ELFN2: variants seen among roughly 807,000 people sequenced by gnomAD.
ELFN2 encodes the protein extracellular leucine rich repeat and fibronectin type III domain containing 2.
ELFN2 carries 17 observed loss-of-function variants against 45.5 expected under a neutral mutation model. The observed-to-expected ratio is 0.37, with a 90% confidence interval of 0.26 to 0.56. ELFN2 has a LOEUF of 0.56. ELFN2 is among the 20% of genes least tolerant of loss of function. The pLI, the probability that ELFN2 is intolerant of heterozygous loss-of-function variation, is 0.77. For missense variants in ELFN2, 922 were observed against 1,183.2 expected (o/e 0.78, Z 3.24); for synonymous variants, 550 against 551.5 (o/e 1.00, Z 0.04).
At chr22:37,391,910 GC>G (rs1172758489) in intron 2 of ELFN2, among the ~76,000 whole-genome samples, 1 of 152,208 alleles carries the variant, frequency 6.6e-6, no homozygotes, top group Non-Finnish European at 1.5e-5. Flanking sequence ...AGCCCAACTG[GC>G]CCTCGCGTGG....
At position 37,417,068 on chromosome 22, in the gene ELFN2, G is replaced by C. The variant is rs940713019; in HGVS notation, c.-463+701C>G. Among the ~76,000 whole-genome samples, 166 of 151,706 alleles carry C rather than the reference G, an allele frequency of 1.1e-3. No individual in the cohort carries two copies. The highest frequency in any genetic ancestry group is 3.9e-3 in the African/African-American group (162 of 41,314). ...AACCACCGTCACTCAGCGCCGCCTG[G>C]ACAACAGCTCCCTCCACGTGGCCGC... On this transcript the variant is annotated intron_variant, in intron 2 of 2. Transcript: ENST00000402918. The surrounding 1 kb of genome is among the most constrained non-coding windows in gnomAD (Gnocchi z 4.5).
chr22:37,419,298 G>A (rs1932791003), intron 1 of ELFN2, among the ~76,000 whole-genome samples: 1 of 151,820 alleles, frequency 6.6e-6, no homozygotes, highest in South Asian at 2.1e-4. Context: ...AGCCAGCAGG[G>A]ATGGGAAAGC....
chr22:37,391,369 C>T (rs769327833), intron 2 of ELFN2, among the ~76,000 whole-genome samples: 16 of 152,150 alleles, frequency 1.1e-4, no homozygotes, highest in Non-Finnish European at 2.1e-4. Flanking sequence ...TCTCTGTACA[C>T]GTCCACGGCT....
At chr22:37,395,710 C>T (rs1238834531) in intron 2 of ELFN2, among the ~76,000 whole-genome samples, 2 of 152,160 alleles carry the variant, frequency 1.3e-5, no homozygotes, top group Non-Finnish European at 2.9e-5. Context: ...AGCACTGGCA[C>T]AATATCCGTG....
At chr22:37,395,967 C>T (rs144803684) in intron 2 of ELFN2, among the ~76,000 whole-genome samples, 46 of 152,262 alleles carry the variant, frequency 3.0e-4, no homozygotes, top group Non-Finnish European at 5.6e-4. Context: ...CCCAGATACC[C>T]GAAGCTGGTG....
chr22:37,408,291 C>T (rs1932559495), intron 2 of ELFN2, among the ~76,000 whole-genome samples: 1 of 152,262 alleles, frequency 6.6e-6, no homozygotes, highest in Admixed American at 6.5e-5. Context: ...AGCTCCCAAT[C>T]ACGGGATCTG....
At chr22:37,390,604 C>T (rs1010032550) in intron 2 of ELFN2, among the ~76,000 whole-genome samples, 1 of 72 alleles carries the variant, frequency 0.014, no homozygotes, top group Non-Finnish European at 0.028. Flanking sequence ...TCCTCAGATC[C>T]GCAGCTGCAA....
chr22:37,407,413 C>G (rs1486278525), intron 2 of ELFN2, among the ~76,000 whole-genome samples: 1 of 152,164 alleles, frequency 6.6e-6, no homozygotes, highest in Non-Finnish European at 1.5e-5. Context: ...GTGAACAAGA[C>G]AGACAAGGTC....
Position 37,374,129 on chromosome 22 carries a change from CGA to C in ELFN2, c.1404_1405del (p.Arg469HisfsTer51). ...GATCATGGAGGGGATGGAGGCCATG[CGA>C]GATACGGGCAGCACGGGAGGCTCGC... On this transcript the variant is annotated frameshift_variant, in exon 3 of 3. Transcript: ENST00000402918. LOFTEE classifies it high-confidence loss of function. 6.2e-7 allele frequency: 1 copy of C among 1,612,916 alleles called. No homozygotes were observed. The highest frequency in any genetic ancestry group is 8.5e-7 in the Non-Finnish European group (1 of 1,179,998).
intron 1 of ELFN2, among the ~76,000 whole-genome samples, chr22:37,356,657 C>T (rs9607449): frequency 0.36 from 54,011 of 151,974 alleles, 10,063 homozygotes; most frequent in Middle Eastern, 0.46. Context: ...GTGTGCTCTG[C>T]ATGGGGCACT....
intron 1 of ELFN2, among the ~76,000 whole-genome samples, chr22:37,426,286 G>A (rs928178857): frequency 6.6e-6 from 1 of 151,728 alleles, no homozygotes; most frequent in Non-Finnish European, 1.5e-5. Flanking sequence ...GGGCACGCCT[G>A]ACACACCATG....
At chr22:37,379,883 C>T (rs1448130057) in intron 2 of ELFN2, among the ~76,000 whole-genome samples, 1 of 152,198 alleles carries the variant, frequency 6.6e-6, no homozygotes, top group Non-Finnish European at 1.5e-5. Context: ...CCTCTCTGGA[C>T]TCAGAACTGA....
intron 1 of ELFN2, among the ~76,000 whole-genome samples, chr22:37,422,945 G>GA (rs200893605): frequency 2.8e-5 from 3 of 105,552 alleles, no homozygotes; most frequent in Non-Finnish European, 3.7e-5. Context: ...CTGGGCCTCG[G>GA]GGGGGGGGGG....
At chr22:37,378,240 A>C (rs771454403) in intron 2 of ELFN2, among the ~76,000 whole-genome samples, 97 of 152,186 alleles carry the variant, frequency 6.4e-4, no homozygotes, top group Non-Finnish European at 3.1e-4. Flanking sequence ...TGTGTCGGGG[A>C]CATCCCAGAG....
In ELFN2 at chr22:37,372,911, G is replaced by A. The variant is rs1297494885; in HGVS notation, c.*161C>T. The A allele has an allele frequency of 1.4e-6, 1 of 690,644 alleles. No homozygotes were observed. The highest frequency in any genetic ancestry group is 2.8e-5 in the East Asian group (1 of 35,942). 42.8% of individuals were successfully genotyped at this position (690,644 alleles called of 1,614,324 possible). On this transcript the variant is annotated 3_prime_UTR_variant, in exon 3 of 3. Coordinates refer to ENST00000402918, the MANE Select transcript of ELFN2 (RefSeq NM_052906.5). The surrounding 1 kb of genome is among the most constrained non-coding windows in gnomAD (Gnocchi z 4.4). Reference sequence around the variant, plus strand: ...GATGTTGGTTTGTTCACAGTCGGGTGGTGGTCAGGTGTGTGTGTGCGTGCG... The same window carrying A: ...GATGTTGGTTTGTTCACAGTCGGGTAGTGGTCAGGTGTGTGTGTGCGTGCG...
chr22:37,388,964 C>T (rs1024690946), intron 2 of ELFN2, among the ~76,000 whole-genome samples: 17 of 152,230 alleles, frequency 1.1e-4, no homozygotes, highest in African/African-American at 3.4e-4. Context: ...GGAGAGGTCA[C>T]AGAGAATAGG....
intron 2 of ELFN2, among the ~76,000 whole-genome samples, chr22:37,396,419 G>A (rs922845985): frequency 3.3e-5 from 5 of 152,168 alleles, no homozygotes; most frequent in African/African-American, 9.7e-5. Flanking sequence ...CTCTGTTAGC[G>A]CACTCATTTC....
chr22:37,400,970 C>G (rs1261728197), intron 2 of ELFN2, among the ~76,000 whole-genome samples: 1 of 152,264 alleles, frequency 6.6e-6, no homozygotes, highest in Non-Finnish European at 1.5e-5. Context: ...CAAGTCCTGG[C>G]TCTGTGCCAA....
At chr22:37,366,342 G>C (rs1342385373), downstream of ELFN2, among the ~76,000 whole-genome samples, 2 of 152,206 alleles carry the variant, frequency 1.3e-5, no homozygotes, top group Admixed American at 6.5e-5. Context: ...TCCACCCACC[G>C]GAGCAAAGCC....
Sources: gnomAD v4.1 joint callset for allele counts (sites outside exome capture counted in the v4.1 genomes callset) on GRCh38, gnomAD v4.1.1 for gene constraint, Gnocchi (gnomAD v3.1) non-coding constraint, MANE v1.5 for transcripts, NCBI Gene and HGNC (gene_info 2026-07-23, HGNC 2026-07-21) for gene names.